PTN: variants seen among roughly 807,000 people sequenced by gnomAD.
PTN encodes pleiotrophin, also known as heparin affin regulatory protein.
In PTN, 18 loss-of-function variants were observed where a neutral mutation model predicts 24.1. The observed-to-expected ratio is 0.75, with a 90% CI of 0.52 to 1.11. The LOEUF is 1.11. Ranked by LOEUF, PTN falls within the 50% of genes least tolerant of loss-of-function variation. PTN has a pLI of 0.00. For synonymous variants in PTN, 78 were observed against 68.6 expected (o/e 1.14, Z -0.67); for missense variants, 163 against 198.8 (o/e 0.82, Z 1.08).
At chr7:137,228,204 G>T in intron 4 of PTN, 129 bp from the exon 5 acceptor site, 1 of 637,490 alleles carries the variant, frequency 1.6e-6, no homozygotes, top group South Asian at 1.9e-5. Context: ...GCTCTTGGTA[G>T]TTCTCTTGGT....
At chr7:137,325,669 G>A (rs896367676) in intron 1 of PTN, 1 of 152,204 alleles carries the variant, frequency 6.6e-6, no homozygotes, top group Non-Finnish European at 1.5e-5. Flanking sequence ...CCCTAGGGTT[G>A]AGTTTCATGA....
chr7:137,243,217 G>A (rs957020377), intron 4 of PTN, among the ~76,000 whole-genome samples: 1 of 152,204 alleles, frequency 6.6e-6, no homozygotes, highest in African/African-American at 2.4e-5. Flanking sequence ...TTACAGGTGT[G>A]AGCCACTGTG....
chr7:137,268,169 A>T (rs1809194844), intron 1 of PTN, among the ~76,000 whole-genome samples: 1 of 152,038 alleles, frequency 6.6e-6, no homozygotes, highest in Non-Finnish European at 1.5e-5. Flanking sequence ...GGCCTGCCAC[A>T]CACGGCTCTG....
At chr7:137,239,545 C>A (rs1808588703) in intron 4 of PTN, among the ~76,000 whole-genome samples, 1 of 151,886 alleles carries the variant, frequency 6.6e-6, no homozygotes, top group Non-Finnish European at 1.5e-5. Flanking sequence ...TGCTATCCCT[C>A]CCCCCTCCTC....
intron 1 of PTN, among the ~76,000 whole-genome samples, chr7:137,266,815 C>T (rs1809157075): frequency 6.8e-6 from 1 of 147,842 alleles, no homozygotes; most frequent in Non-Finnish European, 1.5e-5. Flanking sequence ...TTATTCTTTG[C>T]TATTAATAAG....
chr7:137,335,585 G>A (rs1276647423), intron 1 of PTN, among the ~76,000 whole-genome samples: 40 of 152,178 alleles, frequency 2.6e-4, no homozygotes, highest in Non-Finnish European at 1.0e-4. Context: ...GAATTAAACT[G>A]TTGTGGCTTG....
At chr7:137,328,057 CTA>C (rs1193623041) in intron 1 of PTN, among the ~76,000 whole-genome samples, 4 of 152,118 alleles carry the variant, frequency 2.6e-5, no homozygotes, top group African/African-American at 4.8e-5. Context: ...AAATCACTAA[CTA>C]TATTATAAAA....
intron 1 of PTN, among the ~76,000 whole-genome samples, chr7:137,335,098 A>T (rs1810424537): frequency 6.9e-6 from 1 of 144,308 alleles, no homozygotes; most frequent in Non-Finnish European, 1.5e-5. Context: ...ATGCTAAATG[A>T]CGAGTTGATG....
At chr7:137,229,477 G>A (rs1257182614) in intron 4 of PTN, among the ~76,000 whole-genome samples, 1 of 151,732 alleles carries the variant, frequency 6.6e-6, no homozygotes, top group Non-Finnish European at 1.5e-5. Flanking sequence ...AGTAGAGCTG[G>A]AAACTTTTCC....
intron 4 of PTN, among the ~76,000 whole-genome samples, chr7:137,237,358 G>A (rs931107328): frequency 1.2e-4 from 18 of 152,208 alleles, no homozygotes; most frequent in African/African-American, 4.3e-4. Context: ...AGAACTATGA[G>A]AAAATAAAGT....
At chr7:137,268,958 T>A (rs187188410) in intron 1 of PTN, among the ~76,000 whole-genome samples, 1 of 152,356 alleles carries the variant, frequency 6.6e-6, no homozygotes, top group Admixed American at 6.5e-5. Flanking sequence ...GTAACTCGTT[T>A]TGAAACTGTA....
At chr7:137,285,583 T>C (rs912305062) in intron 1 of PTN, among the ~76,000 whole-genome samples, 1 of 152,152 alleles carries the variant, frequency 6.6e-6, no homozygotes, top group Non-Finnish European at 1.5e-5. Flanking sequence ...GGCAGGAGAA[T>C]CACTTGAACC....
At chr7:137,255,650 G>T (rs749484497) in intron 1 of PTN, among the ~76,000 whole-genome samples, 3 of 152,178 alleles carry the variant, frequency 2.0e-5, no homozygotes, top group Admixed American at 2.0e-4. Context: ...TCTAATCTTA[G>T]GATATGGTGA....
rs542314098 is a variant in PTN at position 137,310,836 on chromosome 7, C to T, written c.-2+32603G>A. On this transcript the variant is annotated intron_variant, in intron 1 of 4. Transcript: ENST00000348225. ...ATCAGCATTTGCTGCTTCACTTGCACTTTTATATTATGGAGATGGTTACTT... is the reference window on the plus strand; with the variant it reads ...ATCAGCATTTGCTGCTTCACTTGCATTTTTATATTATGGAGATGGTTACTT... Among the ~76,000 whole-genome samples, 7 of 152,316 alleles carry T rather than the reference C, an allele frequency of 4.6e-5. No homozygotes were observed. The East Asian group carries it at 1.4e-3, about 29-fold the overall frequency.
At chr7:137,300,918 T>C (rs1425809580) in intron 1 of PTN, among the ~76,000 whole-genome samples, 1 of 151,932 alleles carries the variant, frequency 6.6e-6, no homozygotes, top group Non-Finnish European at 1.5e-5. Flanking sequence ...TGCCACCTTA[T>C]TGGGGATCAG....
chr7:137,331,342 T>C (rs1411311796), intron 1 of PTN, among the ~76,000 whole-genome samples: 1 of 152,146 alleles, frequency 6.6e-6, no homozygotes, highest in Non-Finnish European at 1.5e-5. Context: ...ATATCACGTA[T>C]CAGAAGGCAA....
In PTN at chr7:137,272,242, A is replaced by G. The variant is rs1585023469; in HGVS notation, c.-1-17268T>C. Among the ~76,000 whole-genome samples, 2 of 152,330 alleles carry G rather than the reference A, an allele frequency of 1.3e-5. 1 individual carries two copies. The highest frequency in any genetic ancestry group is 4.1e-4 in the South Asian group (2 of 4,830). ...TCTAAAAGCTTTCCTTCTTGGAGGC[A>G]CCTTTCAGTCTGTCTTTTCCACTCC... On this transcript the variant is annotated intron_variant, in intron 1 of 4. Transcript: ENST00000348225.
At chr7:137,291,076 G>A (rs1335380974) in intron 1 of PTN, among the ~76,000 whole-genome samples, 1 of 152,000 alleles carries the variant, frequency 6.6e-6, no homozygotes, top group African/African-American at 2.4e-5. Context: ...TAAAATCTGA[G>A]TTATAGCTAT....
intron 1 of PTN, among the ~76,000 whole-genome samples, chr7:137,308,259 T>C (rs2081687049): frequency 6.6e-6 from 1 of 152,192 alleles, no homozygotes; most frequent in African/African-American, 2.4e-5. Flanking sequence ...TTTCCTGTGC[T>C]CTGCCCTCTC....
Sources: allele counts gnomAD v4.1 joint callset (sites outside exome capture counted in the v4.1 genomes callset), GRCh38; gene constraint gnomAD v4.1.1; transcripts MANE v1.5; gene names NCBI Gene and HGNC (gene_info 2026-07-23, HGNC 2026-07-21).